SEMA3D: variants seen among roughly 807,000 people sequenced by gnomAD.
The protein encoded by SEMA3D is semaphorin 3D, also known as semaphorin-3D.
A neutral mutation model predicts 100.1 loss-of-function variants in SEMA3D; 84 were observed. The observed-to-expected ratio is 0.84, with a 90% CI of 0.70 to 1.01. The LOEUF (loss-of-function observed/expected upper bound fraction) is 1.01. Ranked by LOEUF, SEMA3D falls within the 50% of genes least tolerant of loss-of-function variation. The pLI is 0.00. For synonymous variants in SEMA3D, 312 were observed against 320.7 expected (o/e 0.97, Z 0.29); for missense variants, 875 against 934.1 (o/e 0.94, Z 0.82).
chr7:85,155,356 C>T (rs1346971842), intron 1 of SEMA3D, among the ~76,000 whole-genome samples: 1 of 152,138 alleles, frequency 6.6e-6, no homozygotes, highest in African/African-American at 2.4e-5. Flanking sequence ...TGCACTACAT[C>T]TCTTGGATGC....
chr7:85,112,989 C>G (rs1333343625), intron 3 of SEMA3D, among the ~76,000 whole-genome samples: 1 of 151,936 alleles, frequency 6.6e-6, no homozygotes, highest in Admixed American at 6.6e-5. Context: ...TGACTTATAC[C>G]TATCTCATCT....
intron 4 of SEMA3D, among the ~76,000 whole-genome samples, chr7:85,087,546 C>A (rs575848794): frequency 6.6e-6 from 1 of 152,188 alleles, no homozygotes; most frequent in Non-Finnish European, 1.5e-5. Flanking sequence ...AATTATTAAA[C>A]AATACTTGCA....
chr7:85,160,207 T>A (rs1351470082), intron 1 of SEMA3D, among the ~76,000 whole-genome samples: 1 of 146,188 alleles, frequency 6.8e-6, no homozygotes, highest in Non-Finnish European at 1.6e-5. Context: ...TACGTGTTTT[T>A]TTTACCATTG....
At chr7:85,141,782 A>G (rs772088501) in intron 2 of SEMA3D, 24 of 790,134 alleles carry the variant, frequency 3.0e-5, no homozygotes, top group Non-Finnish European at 3.7e-5. Flanking sequence ...AAGTCTCATA[A>G]ATCTGGGAAA....
intron 5 of SEMA3D, among the ~76,000 whole-genome samples, chr7:85,076,009 T>C (rs946306924): frequency 2.0e-5 from 3 of 152,210 alleles, no homozygotes; most frequent in Admixed American, 6.5e-5. Context: ...CCTGCAAGGC[T>C]ATCAGTGGTA....
intron 2 of SEMA3D, among the ~76,000 whole-genome samples, chr7:85,130,647 G>A (rs1308797467): frequency 6.6e-6 from 1 of 152,118 alleles, no homozygotes; most frequent in African/African-American, 2.4e-5. Flanking sequence ...ATATTCCTAT[G>A]TTCGGTTTAA....
intron 1 of SEMA3D, among the ~76,000 whole-genome samples, chr7:85,155,206 T>G (rs1192087087): frequency 1.3e-5 from 2 of 152,028 alleles, no homozygotes; most frequent in South Asian, 2.1e-4. Context: ...TTAAAAAAAG[T>G]TTTTCAAAGC....
At chr7:85,070,674 T>C (rs2116175388) in intron 6 of SEMA3D, among the ~76,000 whole-genome samples, 1 of 152,280 alleles carries the variant, frequency 6.6e-6, no homozygotes, top group Middle Eastern at 3.4e-3. Flanking sequence ...TTACCCATAA[T>C]TCTCTTATTC....
At chr7:85,157,168 T>C (rs1056854960) in intron 1 of SEMA3D, among the ~76,000 whole-genome samples, 12 of 152,214 alleles carry the variant, frequency 7.9e-5, no homozygotes, top group Non-Finnish European at 1.6e-4. Context: ...TTCTTGTTTT[T>C]GTAATAATAA....
the SEMA3D span, among the ~76,000 whole-genome samples, chr7:85,245,212 C>A: frequency 6.6e-6 from 1 of 151,880 alleles, no homozygotes; most frequent in Admixed American, 6.6e-5. Flanking sequence ...GGTTGGGAAA[C>A]GGAAGGATGT....
At chr7:85,170,211 T>C (rs920408658) in intron 1 of SEMA3D, among the ~76,000 whole-genome samples, 5 of 151,846 alleles carry the variant, frequency 3.3e-5, no homozygotes, top group African/African-American at 1.2e-4. Flanking sequence ...TTACCATTGG[T>C]TTCTATTTCT....
chr7:85,110,640 A>G (rs1789068121), intron 3 of SEMA3D, among the ~76,000 whole-genome samples: 1 of 152,056 alleles, frequency 6.6e-6, no homozygotes, highest in Non-Finnish European at 1.5e-5. Flanking sequence ...CCCTGTTTTT[A>G]GGAAAAATAA....
chr7:85,037,176 C>A, intron 11 of SEMA3D, 143 bp from the exon 12 acceptor site: 1 of 662,834 alleles, frequency 1.5e-6, no homozygotes, highest in Non-Finnish European at 2.5e-6. Context: ...AATGTGCCTA[C>A]GTCCTCAAGT....
At chr7:85,048,879 G>T (rs1341668510) in intron 9 of SEMA3D, among the ~76,000 whole-genome samples, 1 of 151,764 alleles carries the variant, frequency 6.6e-6, no homozygotes, top group Non-Finnish European at 1.5e-5. Flanking sequence ...ATAACATGTA[G>T]AAACAAATAT....
chr7:85,137,385 G>T (rs559834609), intron 2 of SEMA3D, among the ~76,000 whole-genome samples: 2 of 151,878 alleles, frequency 1.3e-5, no homozygotes, highest in South Asian at 4.2e-4. Flanking sequence ...GTGTGTGTGT[G>T]TATATATATA....
chr7:85,098,437 A>C (rs923340796), intron 3 of SEMA3D, among the ~76,000 whole-genome samples: 2 of 151,904 alleles, frequency 1.3e-5, no homozygotes, highest in African/African-American at 4.8e-5. Flanking sequence ...CAAATCTATA[A>C]AATTAATTAA....
chr7:85,074,236 G>A (rs1791857471), intron 5 of SEMA3D, among the ~76,000 whole-genome samples: 2 of 152,246 alleles, frequency 1.3e-5, no homozygotes, highest in African/African-American at 4.8e-5. Flanking sequence ...CATAGAAAAA[G>A]TCCAGTTTCT....
intron 2 of SEMA3D, among the ~76,000 whole-genome samples, chr7:85,146,772 T>C (rs73181455): frequency 0.025 from 3,843 of 152,114 alleles, 66 homozygotes; most frequent in Non-Finnish European, 0.042. Context: ...TCTCCAGATA[T>C]GTTTTGATGA....
rs944024522 is a variant in SEMA3D at position 85,037,080 on chromosome 7, A to G, written c.1047-47T>C. On this transcript the variant is annotated intron_variant, in intron 11 of 18. Transcript: ENST00000284136. ...ATTCAATCATTCACTGATGAATTCAATAAACATTGACTGAGCACATACTAT... is the reference window on the plus strand; with the variant it reads ...ATTCAATCATTCACTGATGAATTCAGTAAACATTGACTGAGCACATACTAT... The G allele has an allele frequency of 2.9e-5, 46 of 1,583,164 alleles. 2 individuals are homozygous for G. In the East Asian group the frequency reaches 3.4e-4, roughly 12 times the overall value.
Sources: allele counts gnomAD v4.1 joint callset (sites outside exome capture counted in the v4.1 genomes callset), GRCh38; gene constraint gnomAD v4.1.1; transcripts MANE v1.5; gene names NCBI Gene and HGNC (gene_info 2026-07-23, HGNC 2026-07-21).